TH: variants seen among roughly 807,000 people sequenced by gnomAD.
TH encodes the protein tyrosine 3-monooxygenase.
TH carries 49 observed loss-of-function variants against 57.4 expected under a neutral mutation model. The observed-to-expected ratio is 0.85, with a 90% CI of 0.68 to 1.08. The LOEUF is 1.08. Among genes scored for constraint, TH ranks in the 50% least tolerant of loss-of-function variants. The pLI is 0.00. For missense variants in TH, 720 were observed against 696.7 expected, an observed-to-expected ratio of 1.03 and a Z score of -0.38; for synonymous variants, 330 against 304.5, an observed-to-expected ratio of 1.08 and a Z score of -0.87.
At position 2,167,916 on chromosome 11, in the gene TH, C is replaced by A. The variant is rs544661832; in HGVS notation, c.594G>T (p.Val198=). 256 of 1,611,532 alleles carry A rather than the reference C, an allele frequency of 1.6e-4. 1 individual carries two copies. Among genetic ancestry groups the A allele is most frequent in the Middle Eastern group, 1.2e-3 (7 of 6,058 alleles). The change falls in exon 5 of 13, where the codon GTG becomes GTT. Residue 198 remains valine, a synonymous_variant. Transcript: ENST00000352909. ...DLDHPGFSDQ[V]YRQRRKLIAE... ...CAATCAGCTTCCTGCGCTGGCGGTA[C>A]ACCTGGTCCGAGAAGCCCTGAGGGC...
chr11:2,166,653 C>G lies in TH; in HGVS notation c.957G>C (p.Ser319=). ...QCTQYIRHAS[S]PMHSPEPDCC... Reference sequence around the variant, plus strand: ...CTCACGGCTCAGGGGAGTGCATGGGCGAGGACGCGTGGCGGATATACTGGG... The same window carrying G: ...CTCACGGCTCAGGGGAGTGCATGGGGGAGGACGCGTGGCGGATATACTGGG... Residue 319 remains serine, a synonymous_variant, in exon 8 of 13, where the codon TCG becomes TCC. Transcript: ENST00000352909. 1 of 1,575,832 alleles carries G rather than the reference C, an allele frequency of 6.3e-7. No individual in the cohort carries two copies. The highest frequency in any genetic ancestry group is 1.2e-5 in the South Asian group (1 of 86,186).
chr11:2,165,630 C>T, intron 11 of TH, 38 bp downstream of exon 11: 1 of 1,600,250 alleles, frequency 6.2e-7, no homozygotes, highest in Non-Finnish European at 8.6e-7. Flanking sequence ...CCCAGCCCTG[C>T]CCCTCTGCTG....
chr11:2,164,489 T>C, intron 12 of TH, 97 bp from the exon 13 acceptor site: 2 of 1,410,880 alleles, frequency 1.4e-6, no homozygotes, highest in South Asian at 2.8e-5. Flanking sequence ...ACCTTCACAG[T>C]GGCTCAGAGC....
At chr11:2,167,239 G>T in intron 6 of TH, 196 bp downstream of exon 6, 1 of 963,392 alleles carries the variant, frequency 1.0e-6, no homozygotes, top group Non-Finnish European at 1.5e-6. Flanking sequence ...CGGTCCCTCA[G>T]CACACTGGGG....
In TH at chr11:2,169,826, G is replaced by A. The variant is rs1261583805; in HGVS notation, c.136C>T (p.Arg46Cys). 2.5e-6 allele frequency: 4 copies of A among 1,610,942 alleles called. No individual in the cohort carries two copies. Among genetic ancestry groups the A allele is most frequent in the South Asian group, 1.1e-5 (1 of 91,014 alleles). The change falls in exon 2 of 13, where the codon CGC (arginine) becomes TGC (cysteine). Residue 46 changes from arginine (R) to cysteine (C), a missense_variant. Transcript: ENST00000352909. ...GCCACCGCCGCCTCCCGCTCCTTGCGGGCGTCCTCGATGAGGCTCTGCCTG... is the reference window on the plus strand; with the variant it reads ...GCCACCGCCGCCTCCCGCTCCTTGCAGGCGTCCTCGATGAGGCTCTGCCTG... Reference protein sequence around the residue: ...GRRQSLIEDARKEREAAVAAA... With the variant: ...GRRQSLIEDACKEREAAVAAA...
intron 7 of TH, 44 bp from the exon 8 acceptor site, chr11:2,166,812 G>C: frequency 6.4e-7 from 1 of 1,551,810 alleles, no homozygotes; most frequent in Non-Finnish European, 8.7e-7. Context: ...GGACGGGCTG[G>C]AGCCGCGCTG....
chr11:2,165,575 C>T, intron 11 of TH, 93 bp downstream of exon 11: 1 of 1,425,050 alleles, frequency 7.0e-7, no homozygotes, highest in South Asian at 1.2e-5. Context: ...AGGTCCAGGC[C>T]TCAGTTTCCT....
At position 2,164,218 on chromosome 11, in the gene TH, A is replaced by C. The variant is rs1846015070; in HGVS notation, c.*15T>G. On this transcript the variant is annotated 3_prime_UTR_variant, in exon 13 of 13. Coordinates refer to ENST00000352909, the MANE Select transcript of TH (RefSeq NM_000360.4). ...CCAGGGGAGGTTGGGAAGGGCCCTC[A>C]GGGACGCCGTGCACCTAGCCAATGG... 3.5e-6 allele frequency: 5 copies of C among 1,440,432 alleles called. No homozygotes were observed. In the East Asian group the frequency reaches 1.0e-4, roughly 30 times the overall value. The allele number at this position is 1,440,432 out of a possible 1,614,324, so 89.2% of individuals were successfully genotyped here. A position where few individuals can be genotyped will look rare whatever the true frequency, so the allele number is the denominator to read the frequency against.
rs191712999 is a variant in TH at position 2,167,851 on chromosome 11, G to T, written c.644+15C>A. 2,128 of 1,593,526 alleles carry T rather than the reference G, an allele frequency of 1.3e-3. 3 individuals are homozygous for T. Among genetic ancestry groups the T allele is most frequent in the Non-Finnish European group, 1.6e-3 (1,866 of 1,169,798 alleles). On this transcript the variant is annotated intron_variant, in intron 5 of 12. Transcript: ENST00000352909. Reference sequence around the variant, plus strand: ...GCAGGACGGAGTCTGGGTCCCGAGCGCAGGGGCCCCTCACTGCCTGTACTG... The same window carrying T: ...GCAGGACGGAGTCTGGGTCCCGAGCTCAGGGGCCCCTCACTGCCTGTACTG...
At position 2,164,345 on chromosome 11, in the gene TH, G is replaced by A. The variant is rs767635052; in HGVS notation, c.1382C>T (p.Pro461Leu). ...IQRPFSVKFD[P>L]YTLAIDVLDS... The stretch of plus-strand genomic sequence containing the variant: ...CAGCACGTCGATGGCCAGCGTGTAC[G>A]GGTCGAACTTCACGGAGAAGGGGCG... The change falls in exon 13 of 13, where the codon CCG becomes CTG. Residue 461 changes from proline to leucine, a missense_variant. Pro to Leu is a moderately conservative substitution (Grantham distance 98, BLOSUM62 -3). Coordinates refer to ENST00000352909, the MANE Select transcript of TH (RefSeq NM_000360.4). 27 of 1,546,302 alleles carry A rather than the reference G, an allele frequency of 1.7e-5. No individual in the cohort carries two copies. Among genetic ancestry groups the A allele is most frequent in the African/African-American group, 9.7e-5 (7 of 71,892 alleles).
At chr11:2,165,956 A>AC in intron 10 of TH, 46 bp downstream of exon 10, 2 of 1,543,520 alleles carry the variant, frequency 1.3e-6, no homozygotes, top group South Asian at 1.2e-5. Flanking sequence ...CTGGATTCAG[A>AC]CCCCCAAACC....
At chr11:2,165,890 G>T in intron 10 of TH, 112 bp downstream of exon 10, 2 of 1,493,598 alleles carry the variant, frequency 1.3e-6, no homozygotes, top group South Asian at 2.4e-5. Context: ...CAGGGTGAGG[G>T]TCACAATTCG....
rs546191223 is a variant in TH at position 2,166,213 on chromosome 11, C to T, written c.1048-155G>A. On this transcript the variant is annotated intron_variant, in intron 9 of 12. Transcript: ENST00000352909. The stretch of plus-strand genomic sequence containing the variant: ...GGCCGCCCAGGATCCGCACCTCCAC[C>T]GGGCCTCCTCCTCCAGGCAGCCCTC... 9.8e-6 allele frequency: 9 copies of T among 919,150 alleles called. No homozygotes were observed. The African/African-American group carries it at 1.1e-4, about 12-fold the overall frequency. The allele number at this position is 919,150 out of a possible 1,614,324, so 56.9% of individuals were successfully genotyped here.
chr11:2,164,325 C>T lies in TH; in HGVS notation c.1402G>A (p.Val468Met), dbSNP rs1800033. The part of the protein sequence containing the change: ...KFDPYTLAID[V>M]LDSPQAVRRS... ...CGCACGGCCTGGGGGCTGTCCAGCA[C>T]GTCGATGGCCAGCGTGTACGGGTCG... The change falls in exon 13 of 13, where the codon GTG becomes ATG. Residue 468 changes from valine (V) to methionine (M), a missense_variant. Coordinates refer to ENST00000352909, the MANE Select transcript of TH (RefSeq NM_000360.4). The T allele has an allele frequency of 8.6e-5, 132 of 1,539,918 alleles. No individual in the cohort carries two copies. In the East Asian group the frequency reaches 2.7e-3, roughly 31 times the overall value.
In TH at chr11:2,170,701, G is replaced by A. The variant is rs752043690; in HGVS notation, c.91-830C>T. 2.5e-6 allele frequency: 4 copies of A among 1,605,926 alleles called. No individual in the cohort carries two copies. The highest frequency in any genetic ancestry group is 2.5e-6 in the Non-Finnish European group (3 of 1,177,742). On this transcript the variant is annotated intron_variant, in intron 1 of 12. Transcript: ENST00000352909. The surrounding 1 kb of genome is among the most constrained non-coding windows in gnomAD (Gnocchi z 6.0). The stretch of plus-strand genomic sequence containing the variant: ...CCCCTCTTACTTACCCTTGGGGTGG[G>A]GGTGTAGGATGCAGCTGGGGCTGCA...
In TH at chr11:2,164,177, C is replaced by T; in HGVS notation, c.*56G>A. 1.5e-6 allele frequency: 2 copies of T among 1,344,106 alleles called. No homozygotes were observed. Among genetic ancestry groups the T allele is most frequent in the Middle Eastern group, 2.7e-4 (1 of 3,646 alleles). The allele number at this position is 1,344,106 out of a possible 1,614,324, so 83.3% of individuals were successfully genotyped here. On this transcript the variant is annotated 3_prime_UTR_variant, in exon 13 of 13. Transcript: ENST00000352909. Reference sequence around the variant, plus strand: ...CCAGCCCCTCACCAGGGCCTGAGCTCCGGGACAGTGCAGGACCAGGGGAGG... The same window carrying T: ...CCAGCCCCTCACCAGGGCCTGAGCTTCGGGACAGTGCAGGACCAGGGGAGG...
Position 2,170,275 on chromosome 11 carries a change from G to C in TH, c.91-404C>G, listed in dbSNP as rs1011622952. 2.6e-5 allele frequency among the ~76,000 whole-genome samples: 4 copies of C among 152,248 alleles called. 1 individual carries two copies. In the South Asian group the frequency reaches 8.3e-4, roughly 32 times the overall value. On this transcript the variant is annotated intron_variant, in intron 1 of 12. Transcript: ENST00000352909. The surrounding 1 kb of genome is among the most constrained non-coding windows in gnomAD (Gnocchi z 6.0). ...CTGCCGGGGAGGGAACGGCAGCTCA[G>C]GAAGGAGCTGCCCCCACAGGGCCCC...
chr11:2,164,134 A>T lies in TH; in HGVS notation c.*99T>A. The T allele has an allele frequency of 8.7e-7, 1 of 1,143,126 alleles. No individual in the cohort carries two copies. 70.8% of individuals were successfully genotyped at this position (1,143,126 alleles called of 1,614,324 possible). A position where few individuals can be genotyped will look rare whatever the true frequency, so the allele number is the denominator to read the frequency against. ...GTGGGAGCCTGGCAGCAGGGAGGGC[A>T]TGGGGGGCACCCGGGACCCAGCCCC... On this transcript the variant is annotated 3_prime_UTR_variant, in exon 13 of 13. Coordinates refer to ENST00000352909, the MANE Select transcript of TH (RefSeq NM_000360.4).
Position 2,163,977 on chromosome 11 carries a change from G to C in TH, c.*256C>G. 2.7e-6 allele frequency: 1 copy of C among 371,130 alleles called. No individual in the cohort carries two copies. The highest frequency in any genetic ancestry group is 6.8e-4 in the Middle Eastern group (1 of 1,462). The allele number at this position is 371,130 out of a possible 1,614,324, so 23.0% of individuals were successfully genotyped here. ...GTGACGGTGATTGGGGCAGCAGACA[G>C]TGTCAGGGAAGGGCGGAGGGCAGTG... On this transcript the variant is annotated 3_prime_UTR_variant, in exon 13 of 13. Coordinates refer to ENST00000352909, the MANE Select transcript of TH (RefSeq NM_000360.4).
Sources: gnomAD v4.1 joint callset for allele counts (sites outside exome capture counted in the v4.1 genomes callset) on GRCh38, gnomAD v4.1.1 for gene constraint, Gnocchi (gnomAD v3.1) non-coding constraint, MANE v1.5 for transcripts, NCBI Gene and HGNC (gene_info 2026-07-23, HGNC 2026-07-21) for gene names.